Variants in CPZ observed in about 807,000 individuals in gnomAD.
CPZ encodes the protein carboxypeptidase Z.
Under a neutral mutation model 61.8 loss-of-function variants are expected in CPZ, and 103 were observed. That is an observed-to-expected ratio of 1.67 (90% CI 1.42 to 1.96). The LOEUF is 1.96. CPZ is among the 30% of genes most tolerant of loss of function. The pLI is 0.00. For missense variants in CPZ, 1,461 were observed against 914.9 expected (o/e 1.60, Z -7.70); for synonymous variants, 551 against 373.7 (o/e 1.47, Z -5.47).
chr4:8,614,170 C>T (rs1321139661), intron 8 of CPZ, among the ~76,000 whole-genome samples, 189 bp from the exon 9 acceptor site: 10 of 152,222 alleles, frequency 6.6e-5, no homozygotes, highest in Non-Finnish European at 1.2e-4. Context: ...GCAGGAGGGG[C>T]GTCTGTGGCG....
intron 9 of CPZ, 82 bp from the exon 10 acceptor site, chr4:8,618,347 G>A (rs1442364681): frequency 2.1e-5 from 28 of 1,330,764 alleles, no homozygotes; most frequent in Non-Finnish European, 2.9e-5. Context: ...GCTCTGAGGA[G>A]CATGTGGGGA....
intron 9 of CPZ, 123 bp downstream of exon 9, chr4:8,614,621 C>T (rs1053137101): frequency 2.9e-6 from 3 of 1,044,622 alleles, no homozygotes; most frequent in Non-Finnish European, 4.1e-6. Flanking sequence ...CTTTTGCCAC[C>T]ACTTGTTTTG....
At chr4:8,613,279 C>G (rs1233832910) in intron 8 of CPZ, among the ~76,000 whole-genome samples, 1 of 151,746 alleles carries the variant, frequency 6.6e-6, no homozygotes, top group Non-Finnish European at 1.5e-5. Context: ...TTACAGGCGC[C>G]CACCACCACA....
chr4:8,596,898 CA>C (rs2109311479), intron 1 of CPZ, among the ~76,000 whole-genome samples: 1 of 152,294 alleles, frequency 6.6e-6, no homozygotes, highest in Non-Finnish European at 1.5e-5. Context: ...TTCCCAGGGT[CA>C]AGTCAAAGTT....
At chr4:8,618,356 G>A in intron 9 of CPZ, 73 bp from the exon 10 acceptor site, 2 of 1,434,062 alleles carry the variant, frequency 1.4e-6, no homozygotes, top group Non-Finnish European at 2.0e-6. Context: ...AGCATGTGGG[G>A]AACGAGCTGA....
At chr4:8,609,043 A>ACTCACTCACCCATTCACTCCCTCC in intron 7 of CPZ, among the ~76,000 whole-genome samples, 1 of 141,816 alleles carries the variant, frequency 7.1e-6, no homozygotes, top group African/African-American at 2.8e-5. Context: ...TCACCCATTC[A>ACTCACTCACCCATTCACTCCCTCC]CTCCCTCCCT....
At chr4:8,593,423 T>C (rs1487842475) in intron 1 of CPZ, among the ~76,000 whole-genome samples, 1 of 152,098 alleles carries the variant, frequency 6.6e-6, no homozygotes, top group East Asian at 1.9e-4. Context: ...GTGGGCCCCC[T>C]GGAGGGATCT....
At chr4:8,609,568 C>A (rs1715473614) in intron 7 of CPZ, among the ~76,000 whole-genome samples, 1 of 143,390 alleles carries the variant, frequency 7.0e-6, no homozygotes, top group South Asian at 2.1e-4. Flanking sequence ...CACCCCTGTG[C>A]TCTTGGGGGC....
At chr4:8,597,266 T>G (rs1000539657) in intron 1 of CPZ, 5 of 152,186 alleles carry the variant, frequency 3.3e-5, no homozygotes, top group African/African-American at 4.8e-5. Flanking sequence ...TGCCAGCCTT[T>G]TATCTGCTCT....
At position 8,606,982 on chromosome 4, in the gene CPZ, C is replaced by T. The variant is rs1056799508; in HGVS notation, c.1068+84C>T. On this transcript the variant is annotated intron_variant, in intron 6 of 10. Transcript: ENST00000360986. ...TTCCAGGCTCTCTGGAGTTGTCCTTCCCTGGGGACAGGAGAGCCTGGTGCT... is the reference window on the plus strand; with the variant it reads ...TTCCAGGCTCTCTGGAGTTGTCCTTTCCTGGGGACAGGAGAGCCTGGTGCT... 41 of 1,447,944 alleles carry T rather than the reference C, an allele frequency of 2.8e-5. No homozygotes were observed. In the African/African-American group the frequency reaches 4.5e-4, roughly 16 times the overall value. 89.7% of individuals were successfully genotyped at this position (1,447,944 alleles called of 1,614,324 possible).
chr4:8,608,669 C>T (rs981794625), intron 7 of CPZ, among the ~76,000 whole-genome samples: 9 of 149,588 alleles, frequency 6.0e-5, no homozygotes, highest in South Asian at 2.1e-4. Flanking sequence ...CATGTGCACA[C>T]GTGCATATGT....
intron 7 of CPZ, among the ~76,000 whole-genome samples, chr4:8,609,681 T>TCTCTCA (rs1715485072): frequency 6.6e-6 from 1 of 152,180 alleles, no homozygotes; most frequent in African/African-American, 2.4e-5. Flanking sequence ...TGGCCCAGTG[T>TCTCTCA]GTCTCAGCCT....
intron 1 of CPZ, among the ~76,000 whole-genome samples, chr4:8,596,872 C>T (rs1714219095): frequency 6.6e-6 from 1 of 152,164 alleles, no homozygotes; most frequent in African/African-American, 2.4e-5. Flanking sequence ...CTTGTAGCTC[C>T]CTGAGGCCAG....
chr4:8,608,165 G>A (rs1295472786), intron 7 of CPZ, among the ~76,000 whole-genome samples: 2 of 92,216 alleles, frequency 2.2e-5, no homozygotes, highest in Admixed American at 1.2e-4. Flanking sequence ...CCCCAGCTGC[G>A]GATCCTGGAG....
chr4:8,594,336 G>T (rs2109308563), intron 1 of CPZ, among the ~76,000 whole-genome samples: 1 of 152,326 alleles, frequency 6.6e-6, no homozygotes, highest in South Asian at 2.1e-4. Flanking sequence ...TCGCCATCTG[G>T]GTCTTGCTGA....
chr4:8,597,752 C>T (rs528260309), intron 1 of CPZ, among the ~76,000 whole-genome samples: 23 of 152,248 alleles, frequency 1.5e-4, no homozygotes, highest in Non-Finnish European at 2.9e-4. Context: ...AGGAATGATG[C>T]ACACTGTGGC....
intron 7 of CPZ, among the ~76,000 whole-genome samples, chr4:8,610,512 T>A (rs555954548): frequency 6.6e-6 from 1 of 152,052 alleles, no homozygotes; most frequent in African/African-American, 2.4e-5. Flanking sequence ...AGGAGCAGAC[T>A]TTGGAGAGAG....
intron 7 of CPZ, chr4:8,611,059 C>T (rs975334639): frequency 7.9e-6 from 3 of 378,544 alleles, no homozygotes; most frequent in East Asian, 7.5e-5. Flanking sequence ...CATTCGCTCA[C>T]TCACTCATTC....
chr4:8,605,783 A>G (rs775540379), intron 4 of CPZ, among the ~76,000 whole-genome samples: 19 of 152,180 alleles, frequency 1.2e-4, no homozygotes, highest in Admixed American at 2.6e-4. Flanking sequence ...AGTTATGCTA[A>G]CTAAGAATTC....
Sources: gnomAD v4.1 joint callset for allele counts (sites outside exome capture counted in the v4.1 genomes callset) on GRCh38, gnomAD v4.1.1 for gene constraint, MANE v1.5 for transcripts, NCBI Gene and HGNC (gene_info 2026-07-23, HGNC 2026-07-21) for gene names.